The following PTPRB variants were observed in gnomAD, a reference collection of about 807,000 sequenced individuals.
PTPRB encodes receptor-type tyrosine-protein phosphatase beta.
PTPRB carries 97 observed loss-of-function variants against 238.1 expected under a neutral mutation model. The observed-to-expected ratio is 0.41, with a 90% CI of 0.35 to 0.48. The LOEUF is 0.48. Ranked by LOEUF, PTPRB falls within the 20% of genes least tolerant of loss-of-function variation. The pLI, the probability that PTPRB is intolerant of heterozygous loss-of-function variation, is 0.30. For synonymous variants in PTPRB, 970 were observed against 995.4 expected (o/e 0.97, Z 0.48); for missense variants, 2,292 against 2,681.9 (o/e 0.85, Z 3.21).
chr12:70,571,133 G>A lies in PTPRB; in HGVS notation c.3263C>T (p.Ala1088Val), dbSNP rs747026579. Residue 1088 changes from alanine (A) to valine (V), a missense_variant, in exon 13 of 34, where the codon GCA becomes GTA. This residue lies in a region of PTPRB where 683 missense variants were observed against 862.0 expected (regional missense o/e 0.79). Transcript: ENST00000334414. ...VFPPFHLVNT[A>V]TEYRFTSLTP... ...TAGGGAAGTAAATCGATACTCGGTT[G>A]CGGTATTTACAAGGTGAAAAGGAGG... The A allele has an allele frequency of 1.4e-5, 23 of 1,613,964 alleles. No homozygotes were observed. The highest frequency in any genetic ancestry group is 1.7e-5 in the Admixed American group (1 of 60,024).
chr12:70,629,895 G>A (rs1042433675), intron 2 of PTPRB, among the ~76,000 whole-genome samples: 4 of 152,146 alleles, frequency 2.6e-5, no homozygotes, highest in Non-Finnish European at 4.4e-5. Context: ...ACTAAACCAG[G>A]AAGAAGTGGA....
chr12:70,555,347 C>CAGCATA, intron 19 of PTPRB, 38 bp from the exon 20 acceptor site: 4 of 1,576,918 alleles, frequency 2.5e-6, no homozygotes, highest in Non-Finnish European at 3.5e-6. Flanking sequence ...AGAGGGGTCA[C>CAGCATA]AACTCTGCTT....
At chr12:70,528,543 G>A (rs1057448467) in intron 32 of PTPRB, among the ~76,000 whole-genome samples, 4 of 152,122 alleles carry the variant, frequency 2.6e-5, no homozygotes, top group Non-Finnish European at 4.4e-5. Context: ...AAAGGACTTC[G>A]TGACTGCTTG....
chr12:70,609,726 G>T (rs770946441), intron 3 of PTPRB: 1 of 1,529,688 alleles, frequency 6.5e-7, no homozygotes. Context: ...CGGGGAGGGG[G>T]CGCATCAGCT....
intron 21 of PTPRB, among the ~76,000 whole-genome samples, chr12:70,546,846 A>C (rs1427984556): frequency 6.6e-6 from 1 of 152,084 alleles, no homozygotes; most frequent in Non-Finnish European, 1.5e-5. Flanking sequence ...AAGCTGGAGG[A>C]GGGCATCGCT....
intron 4 of PTPRB, among the ~76,000 whole-genome samples, chr12:70,605,910 A>G (rs1447733982): frequency 6.6e-6 from 1 of 152,160 alleles, no homozygotes; most frequent in Non-Finnish European, 1.5e-5. Flanking sequence ...GAGCTCTACA[A>G]GAAGTGAAAA....
chr12:70,535,551 T>C (rs1417999637), intron 29 of PTPRB, among the ~76,000 whole-genome samples: 2 of 152,224 alleles, frequency 1.3e-5, no homozygotes, highest in Non-Finnish European at 2.9e-5. Context: ...ATCCTCAATC[T>C]TTTAATCCTC....
chr12:70,612,101 A>G (rs1366080752), intron 3 of PTPRB, among the ~76,000 whole-genome samples: 1 of 152,230 alleles, frequency 6.6e-6, no homozygotes, highest in African/African-American at 2.4e-5. Flanking sequence ...CCACACAGCT[A>G]TTATGAATAA....
At chr12:70,578,461 A>C (rs956731367) in intron 10 of PTPRB, among the ~76,000 whole-genome samples, 2 of 151,850 alleles carry the variant, frequency 1.3e-5, no homozygotes, top group Non-Finnish European at 2.9e-5. Flanking sequence ...GATAATGTGC[A>C]CTCTTCATAT....
At chr12:70,549,694 C>T (rs1397969073) in intron 21 of PTPRB, among the ~76,000 whole-genome samples, 1 of 152,134 alleles carries the variant, frequency 6.6e-6, no homozygotes, top group African/African-American at 2.4e-5. Flanking sequence ...GGACTGAGTT[C>T]AGCAGCCACC....
At chr12:70,626,298 T>C (rs1187326597) in intron 2 of PTPRB, among the ~76,000 whole-genome samples, 1 of 25,524 alleles carries the variant, frequency 3.9e-5, no homozygotes, top group Non-Finnish European at 8.4e-5. Flanking sequence ...TATCCATCCA[T>C]CTATCTATCT....
chr12:70,559,166 T>A, intron 18 of PTPRB, 177 bp downstream of exon 18: 1 of 667,322 alleles, frequency 1.5e-6, no homozygotes, highest in Non-Finnish European at 2.6e-6. Flanking sequence ...AGATTTATTG[T>A]CCCTTGTTGT....
At chr12:70,521,764 A>G (rs1365112031) in intron 33 of PTPRB, among the ~76,000 whole-genome samples, 1 of 152,200 alleles carries the variant, frequency 6.6e-6, no homozygotes, top group Non-Finnish European at 1.5e-5. Flanking sequence ...AGGCAGAGTA[A>G]CTTACTCAGG....
intron 3 of PTPRB, among the ~76,000 whole-genome samples, chr12:70,619,393 G>A (rs781253432): frequency 1.6e-4 from 25 of 151,974 alleles, no homozygotes; most frequent in Non-Finnish European, 2.4e-4. Flanking sequence ...CAATATGCAC[G>A]CTCCTTTACA....
chr12:70,565,070 G>A (rs942310339), intron 15 of PTPRB, among the ~76,000 whole-genome samples: 10 of 151,806 alleles, frequency 6.6e-5, no homozygotes, highest in African/African-American at 2.2e-4. Flanking sequence ...ATTCACTTCT[G>A]TATATCCAGC....
rs187776536 is a variant in PTPRB, at chr12:70,593,550, C to T, written c.1516+917G>A. 1.0e-3 allele frequency among the ~76,000 whole-genome samples: 152 copies of T among 145,666 alleles called. 2 individuals carry two copies. Among genetic ancestry groups the T allele is most frequent in the African/African-American group, 2.1e-3 (83 of 39,262 alleles). On this transcript the variant is annotated intron_variant, in intron 6 of 33. Coordinates refer to ENST00000334414, the MANE Select transcript of PTPRB (RefSeq NM_001109754.4). The stretch of plus-strand genomic sequence containing the variant: ...AAAAAAAAAAAAAAAAGAATGGGCA[C>T]AGCACTCTGATTTTGCACAAGGCAG...
In PTPRB at chr12:70,519,679, C is replaced by G. The variant is rs978207120; in HGVS notation, c.*1810G>C. The G allele has an allele frequency of 6.6e-6, 1 of 152,200 alleles. No homozygotes were observed. Among genetic ancestry groups the G allele is most frequent in the African/African-American group, 2.4e-5 (1 of 41,424 alleles). The allele number at this position is 152,200 out of a possible 1,614,324, so 9.4% of individuals were successfully genotyped here. A position where few individuals can be genotyped will look rare whatever the true frequency, so the allele number is the denominator to read the frequency against. Reference sequence around the variant, plus strand: ...CTAATGGATGCCACACGTTGTAGATCTCTGACCTCTATTTTCTCGCTGGTG... The same window carrying G: ...CTAATGGATGCCACACGTTGTAGATGTCTGACCTCTATTTTCTCGCTGGTG... On this transcript the variant is annotated 3_prime_UTR_variant, in exon 34 of 34. Transcript: ENST00000334414.
intron 2 of PTPRB, among the ~76,000 whole-genome samples, chr12:70,632,498 A>G (rs1248454825): frequency 6.6e-6 from 1 of 152,070 alleles, no homozygotes; most frequent in Non-Finnish European, 1.5e-5. Flanking sequence ...TGATGAGTGC[A>G]GCAAACCAAC....
intron 11 of PTPRB, among the ~76,000 whole-genome samples, chr12:70,572,745 G>A (rs1231783912): frequency 6.9e-6 from 1 of 143,970 alleles, no homozygotes; most frequent in Non-Finnish European, 1.5e-5. Flanking sequence ...CTGCACTCCA[G>A]CCTGGGTGAT....
Sources: gnomAD v4.1 joint callset for allele counts (sites outside exome capture counted in the v4.1 genomes callset) on GRCh38, gnomAD v4.1.1 for gene constraint, gnomAD v4.1.1 regional missense constraint, MANE v1.5 for transcripts, NCBI Gene and HGNC (gene_info 2026-07-23, HGNC 2026-07-21) for gene names.